Variants in PCGF3 observed in about 807,000 individuals in gnomAD.
PCGF3 encodes the protein polycomb group RING finger protein 3.
Under a neutral mutation model 33.1 loss-of-function variants are expected in PCGF3, and 7 were observed. The ratio of observed to expected loss-of-function variants is 0.21; its 90% CI spans 0.12 to 0.40. The LOEUF (loss-of-function observed/expected upper bound fraction) is 0.40. Among genes scored for constraint, PCGF3 ranks in the 10% least tolerant of loss-of-function variants. The pLI, the probability that PCGF3 is intolerant of heterozygous loss-of-function variation, is 1.00. For missense variants in PCGF3, 211 were observed against 313.3 expected (o/e 0.67, Z 2.46); for synonymous variants, 153 against 121.3 (o/e 1.26, Z -1.72).
intron 10 of PCGF3, among the ~76,000 whole-genome samples, chr4:765,453 G>A (rs1745313839): frequency 6.6e-6 from 1 of 150,414 alleles, no homozygotes; most frequent in Non-Finnish European, 1.5e-5. Flanking sequence ...AAAAAGTGAT[G>A]ACTCAGCTAC....
At chr4:718,263 TAGCCCCGGGGGCGGCGCTGGGGGCCGGA>T (rs1329646873) in intron 1 of PCGF3, among the ~76,000 whole-genome samples, 4 of 151,774 alleles carry the variant, frequency 2.6e-5, no homozygotes, top group Admixed American at 1.3e-4. Context: ...GTCTGTGGGG[TAGCCCCGGGGGCGGCGCTGGGGGCCGGA>T]CTGCTGAAGC....
chr4:707,226 C>T (rs1490871443), intron 1 of PCGF3, among the ~76,000 whole-genome samples: 2 of 150,072 alleles, frequency 1.3e-5, no homozygotes, highest in Non-Finnish European at 3.0e-5. Flanking sequence ...CCCGGGGGGG[C>T]TAGGACCCTG....
rs975371130 is a variant in PCGF3, at chr4:743,525, C to T, written c.314C>T (p.Pro105Leu). Reference sequence around the variant, plus strand: ...TATCACAAATTGGGCATGGAGGTGCCGGGAGACATCAAGGGGGAGACCTGC... The same window carrying T: ...TATCACAAATTGGGCATGGAGGTGCTGGGAGACATCAAGGGGGAGACCTGC... Residue 105 changes from proline (P) to leucine (L), a missense_variant, in exon 7 of 11, where the codon CCG (proline) becomes CTG (leucine). Coordinates refer to ENST00000362003, the Ensembl canonical transcript of PCGF3. The T allele has an allele frequency of 3.9e-5, 63 of 1,613,560 alleles. No individual in the cohort carries two copies. Among genetic ancestry groups the T allele is most frequent in the African/African-American group, 8.0e-5 (6 of 74,888 alleles).
chr4:729,992 G>A (rs532219965), intron 1 of PCGF3, among the ~76,000 whole-genome samples: 170 of 152,074 alleles, frequency 1.1e-3, no homozygotes, highest in Non-Finnish European at 1.5e-3. Flanking sequence ...CAGACGCAGG[G>A]TCCCTACGTG....
intron 1 of PCGF3, among the ~76,000 whole-genome samples, 175 bp downstream of exon 1, chr4:706,145 C>T (rs1461332494): frequency 6.6e-6 from 1 of 152,230 alleles, no homozygotes; most frequent in Non-Finnish European, 1.5e-5. Flanking sequence ...CCAGCCCAGT[C>T]AGGACTCCGG....
chr4:733,200 C>T (rs1484162004), intron 3 of PCGF3, among the ~76,000 whole-genome samples: 1 of 152,064 alleles, frequency 6.6e-6, no homozygotes, highest in Admixed American at 6.5e-5. Flanking sequence ...TGTGAGCATA[C>T]AGCCCAGACT....
At chr4:756,222 T>C (rs1744763816) in intron 8 of PCGF3, among the ~76,000 whole-genome samples, 1 of 145,228 alleles carries the variant, frequency 6.9e-6, no homozygotes, top group South Asian at 2.2e-4. Flanking sequence ...TTGGCTTTTT[T>C]TTTTTTGAGA....
Position 766,156 on chromosome 4 carries a change from C to T in PCGF3, c.*77C>T, listed in dbSNP as rs368273258. On this transcript the variant is annotated 3_prime_UTR_variant, in exon 11 of 11. Transcript: ENST00000362003. ...CGGCCGCCGCGCTTAAGAACATTGC[C>T]TCTGGGTGTCATGTGGACCAGACTT... The T allele has an allele frequency of 5.9e-6, 7 of 1,188,974 alleles. No individual in the cohort carries two copies. In the South Asian group the frequency reaches 6.2e-5, roughly 10 times the overall value. The allele number at this position is 1,188,974 out of a possible 1,614,324, so 73.7% of individuals were successfully genotyped here.
intron 8 of PCGF3, among the ~76,000 whole-genome samples, chr4:755,800 A>C (rs1406826139): frequency 6.6e-6 from 1 of 151,918 alleles, no homozygotes; most frequent in Non-Finnish European, 1.5e-5. Context: ...CATTGTGCCA[A>C]AACAACAAGG....
At chr4:728,106 G>A (rs1743402562) in intron 1 of PCGF3, among the ~76,000 whole-genome samples, 1 of 152,214 alleles carries the variant, frequency 6.6e-6, no homozygotes, top group South Asian at 2.1e-4. Context: ...TTAGGGTCAA[G>A]TTCATCATAT....
At chr4:714,549 T>C (rs924241070) in intron 1 of PCGF3, among the ~76,000 whole-genome samples, 1 of 152,194 alleles carries the variant, frequency 6.6e-6, no homozygotes, top group African/African-American at 2.4e-5. Context: ...GTCTTGAGAA[T>C]GTCTCCATGT....
intron 10 of PCGF3, 136 bp downstream of exon 10, chr4:765,200 G>C: frequency 3.3e-6 from 2 of 610,940 alleles, no homozygotes; most frequent in Non-Finnish European, 6.0e-6. Context: ...TTGGGAGGAC[G>C]AGGCGGGCGG....
intron 9 of PCGF3, 121 bp downstream of exon 9, chr4:761,537 A>G (rs1577446420): frequency 2.1e-6 from 3 of 1,424,734 alleles, no homozygotes; most frequent in South Asian, 2.9e-5. Flanking sequence ...TAACCAGAAA[A>G]AAATCCGTTT....
intron 1 of PCGF3, among the ~76,000 whole-genome samples, chr4:716,545 G>A (rs1377316549): frequency 4.4e-4 from 47 of 107,802 alleles, no homozygotes; most frequent in East Asian, 8.9e-4. Flanking sequence ...GGGACCCTGT[G>A]GACACTGCGA....
exon 11 of PCGF3, chr4:768,629 A>T (rs1745484241): frequency 1.3e-5 from 2 of 152,334 alleles, no homozygotes; most frequent in South Asian, 2.1e-4. Flanking sequence ...GTTTTCATGG[A>T]CATAGAAAAT....
At chr4:754,321 C>T (rs1444908193) in intron 8 of PCGF3, among the ~76,000 whole-genome samples, 1 of 152,240 alleles carries the variant, frequency 6.6e-6, no homozygotes, top group Admixed American at 6.5e-5. Flanking sequence ...CTCCTGTCCG[C>T]ACCCTCGGGC....
chr4:737,655 C>A, intron 6 of PCGF3, 134 bp downstream of exon 6: 1 of 648,382 alleles, frequency 1.5e-6, no homozygotes. Flanking sequence ...CATCCCTGCT[C>A]TCAGCCCAAC....
In PCGF3 at chr4:715,282, A is replaced by G. The variant is rs1452432705; in HGVS notation, c.-190+9312A>G. On this transcript the variant is annotated intron_variant, in intron 1 of 10. Coordinates refer to ENST00000362003, the Ensembl canonical transcript of PCGF3. The stretch of plus-strand genomic sequence containing the variant: ...CGGTGCTGGGACCCTGTAGACACTC[A>G]ATGTGAGAACTGGGAGTCGGTGCTG... Among the ~76,000 whole-genome samples, 4 of 135,784 alleles carry G rather than the reference A, an allele frequency of 2.9e-5. No homozygotes were observed. In the East Asian group the frequency reaches 9.5e-4, roughly 32 times the overall value. The allele number at this position is 135,784 out of a possible 152,430, so 89.1% of individuals were successfully genotyped here.
At chr4:719,020 T>C (rs892253267) in intron 1 of PCGF3, among the ~76,000 whole-genome samples, 7 of 152,198 alleles carry the variant, frequency 4.6e-5, no homozygotes, top group Non-Finnish European at 1.0e-4. Flanking sequence ...AATGGCACTA[T>C]CTTGGCTCAT....
Sources: gnomAD v4.1 joint callset for allele counts (sites outside exome capture counted in the v4.1 genomes callset) on GRCh38, gnomAD v4.1.1 for gene constraint, MANE v1.5 for transcripts, NCBI Gene and HGNC (gene_info 2026-07-23, HGNC 2026-07-21) for gene names.